Variants in RALGPS2 observed in about 807,000 individuals in gnomAD.
RALGPS2 encodes the protein ras-specific guanine nucleotide-releasing factor RalGPS2.
A neutral mutation model predicts 86.8 loss-of-function variants in RALGPS2; 43 were observed. The observed-to-expected ratio is 0.50, with a 90% CI of 0.39 to 0.64. The LOEUF is 0.64. Ranked by LOEUF, RALGPS2 falls within the 30% of genes least tolerant of loss-of-function variation. RALGPS2 has a pLI of 0.00. For missense variants in RALGPS2, 536 were observed against 694.6 expected (o/e 0.77, Z 2.57); for synonymous variants, 243 against 231.3 (o/e 1.05, Z -0.46).
intron 1 of RALGPS2, among the ~76,000 whole-genome samples, chr1:178,731,297 T>TTTTTTTTTTG: frequency 7.4e-6 from 1 of 135,960 alleles, no homozygotes; most frequent in Non-Finnish European, 1.6e-5. Flanking sequence ...TTTTTTTTTT[T>TTTTTTTTTTG]TTTTGAGACA....
rs1572272526 is a variant in RALGPS2 at position 178,740,132 on chromosome 1, C to A, written c.-84+14713C>A. Among the ~76,000 whole-genome samples the A allele has an allele frequency of 5.9e-5, 9 of 152,214 alleles. No homozygotes were observed. The South Asian group carries it at 1.9e-3, about 32-fold the overall frequency. On this transcript the variant is annotated intron_variant, in intron 1 of 19. Coordinates refer to ENST00000367635, the MANE Select transcript of RALGPS2 (RefSeq NM_152663.5). ...ATTATATGATCCCCTTAGTAACAAC[C>A]AAATTTTGTATTTATAACTACTTAA...
intron 18 of RALGPS2, among the ~76,000 whole-genome samples, chr1:178,906,061 A>G (rs1558180926): frequency 6.6e-6 from 1 of 152,214 alleles, no homozygotes; most frequent in Non-Finnish European, 1.5e-5. Context: ...TGGCATGTTA[A>G]AACTTAACAT....
At chr1:178,798,701 C>T (rs1348941244) in intron 4 of RALGPS2, among the ~76,000 whole-genome samples, 1 of 151,998 alleles carries the variant, frequency 6.6e-6, no homozygotes, top group Non-Finnish European at 1.5e-5. Flanking sequence ...ATGGAAACCC[C>T]ACACGTTTTG....
chr1:178,913,221 G>A (rs1229998591), intron 19 of RALGPS2, among the ~76,000 whole-genome samples: 1 of 151,628 alleles, frequency 6.6e-6, no homozygotes, highest in Non-Finnish European at 1.5e-5. Context: ...GGCAGAGGTT[G>A]CAATGAGCCA....
intron 8 of RALGPS2, among the ~76,000 whole-genome samples, chr1:178,859,009 A>C (rs1657777735): frequency 6.6e-6 from 1 of 152,206 alleles, no homozygotes; most frequent in Non-Finnish European, 1.5e-5. Context: ...CTTTCAGTTA[A>C]ATATATTCAA....
intron 5 of RALGPS2, among the ~76,000 whole-genome samples, chr1:178,808,413 T>A (rs1009976098): frequency 6.6e-6 from 1 of 152,218 alleles, no homozygotes; most frequent in Non-Finnish European, 1.5e-5. Context: ...GTTCACTGAT[T>A]CTCTTCAGAT....
chr1:178,862,593 TTTTATTTA>T lies in RALGPS2; in HGVS notation c.608-14873_608-14866del, dbSNP rs57690079. Among the ~76,000 whole-genome samples the T allele has an allele frequency of 6.9e-3, 976 of 140,742 alleles. 30 individuals are homozygous for T. The highest frequency in any genetic ancestry group is 0.048 in the Admixed American group (681 of 14,132). The allele number at this position is 140,742 out of a possible 152,430, so 92.3% of individuals were successfully genotyped here. A position where few individuals can be genotyped will look rare whatever the true frequency, so the allele number is the denominator to read the frequency against. On this transcript the variant is annotated intron_variant, in intron 8 of 19. Coordinates refer to ENST00000367635, the MANE Select transcript of RALGPS2 (RefSeq NM_152663.5). ...GGGCCTCAAGGAGGAGTTGCATTTT[TTTTATTTA>T]TTTATTTATTTATTTATTTATTTAT...
chr1:178,831,712 T>G (rs1160250431), intron 7 of RALGPS2, among the ~76,000 whole-genome samples: 3 of 140,186 alleles, frequency 2.1e-5, no homozygotes, highest in Non-Finnish European at 4.6e-5. Flanking sequence ...CAAAAGAAGA[T>G]TTGAAAAGAA....
chr1:178,822,706 C>A (rs1451616094), intron 7 of RALGPS2, among the ~76,000 whole-genome samples: 1 of 151,598 alleles, frequency 6.6e-6, no homozygotes, highest in Non-Finnish European at 1.5e-5. Context: ...TTTAAAAATT[C>A]TTTTTAATAA....
chr1:178,890,880 G>A (rs538346639), intron 14 of RALGPS2, among the ~76,000 whole-genome samples: 1 of 151,822 alleles, frequency 6.6e-6, no homozygotes, highest in Admixed American at 6.6e-5. Flanking sequence ...ATTTGGGTTT[G>A]CCTGAAATGT....
chr1:178,816,404 A>G (rs554734849), intron 6 of RALGPS2, among the ~76,000 whole-genome samples: 1 of 152,152 alleles, frequency 6.6e-6, no homozygotes, highest in South Asian at 2.1e-4. Flanking sequence ...ATCCTTTCAA[A>G]TCTTTTACCC....
rs1572356602 is a variant in RALGPS2, at chr1:178,811,542, A to G, written c.387+138A>G. The stretch of plus-strand genomic sequence containing the variant: ...TCATTGATATAAGTCAATTTTTAAA[A>G]TTGGATGCCTACTTTCTCTGCCTTT... On this transcript the variant is annotated intron_variant, in intron 6 of 19. Coordinates refer to ENST00000367635, the MANE Select transcript of RALGPS2 (RefSeq NM_152663.5). 2.9e-5 allele frequency: 17 copies of G among 588,264 alleles called. No individual in the cohort carries two copies. In the East Asian group the frequency reaches 5.4e-4, roughly 19 times the overall value. 36.4% of individuals were successfully genotyped at this position (588,264 alleles called of 1,614,324 possible). A position where few individuals can be genotyped will look rare whatever the true frequency, so the allele number is the denominator to read the frequency against.
At chr1:178,795,487 AC>A (rs1267377441) in intron 4 of RALGPS2, among the ~76,000 whole-genome samples, 1 of 152,072 alleles carries the variant, frequency 6.6e-6, no homozygotes, top group East Asian at 1.9e-4. Flanking sequence ...ATCTTGTCTC[AC>A]TGCAACCTCT....
At chr1:178,827,720 T>C (rs1399494287) in intron 7 of RALGPS2, among the ~76,000 whole-genome samples, 1 of 152,328 alleles carries the variant, frequency 6.6e-6, no homozygotes, top group Non-Finnish European at 1.5e-5. Flanking sequence ...TAAAATACAC[T>C]GTGAAGCTAT....
intron 1 of RALGPS2, among the ~76,000 whole-genome samples, chr1:178,754,257 T>C (rs1190730850): frequency 6.6e-6 from 1 of 151,004 alleles, no homozygotes; most frequent in East Asian, 1.9e-4. Context: ...CCTTATATAA[T>C]TACATACACT....
At chr1:178,766,995 A>G (rs1652537313) in intron 1 of RALGPS2, among the ~76,000 whole-genome samples, 1 of 151,928 alleles carries the variant, frequency 6.6e-6, no homozygotes, top group African/African-American at 2.4e-5. Flanking sequence ...ATCTTGGTTG[A>G]TTTTGCTGTT....
chr1:178,799,537 G>A (rs1313199851), intron 4 of RALGPS2, among the ~76,000 whole-genome samples: 1 of 152,092 alleles, frequency 6.6e-6, no homozygotes, highest in East Asian at 1.9e-4. Flanking sequence ...GAGTCTTGAA[G>A]GGAAAAGGTA....
intron 1 of RALGPS2, among the ~76,000 whole-genome samples, chr1:178,735,983 C>A (rs1280308417): frequency 6.6e-6 from 1 of 151,954 alleles, no homozygotes; most frequent in African/African-American, 2.4e-5. Flanking sequence ...CCTGTACTTA[C>A]ATAATTTCCT....
intron 1 of RALGPS2, among the ~76,000 whole-genome samples, chr1:178,731,869 C>G (rs1445106471): frequency 1.3e-5 from 2 of 152,076 alleles, no homozygotes; most frequent in Non-Finnish European, 2.9e-5. Context: ...TTGGGCAATA[C>G]AATCCATTAC....
Sources: allele counts gnomAD v4.1 joint callset (sites outside exome capture counted in the v4.1 genomes callset), GRCh38; gene constraint gnomAD v4.1.1; transcripts MANE v1.5; gene names NCBI Gene and HGNC (gene_info 2026-07-23, HGNC 2026-07-21).